Variants in FER1L5 observed in about 807,000 individuals in gnomAD.
The protein encoded by FER1L5 is fer-1 like family member 5.
A neutral mutation model predicts 279.9 loss-of-function variants in FER1L5; 187 were observed. That is an observed-to-expected ratio of 0.67 (90% CI 0.59 to 0.75). The LOEUF (loss-of-function observed/expected upper bound fraction) is 0.75. Ranked by LOEUF, FER1L5 falls within the 30% of genes least tolerant of loss-of-function variation. The pLI is 0.00. For missense variants in FER1L5, 2,091 were observed against 2,594.4 expected, an observed-to-expected ratio of 0.81 and a Z score of 4.21; for synonymous variants, 921 against 989.7, an observed-to-expected ratio of 0.93 and a Z score of 1.30.
chr2:96,642,826 A>G lies in FER1L5; in HGVS notation c.-11A>G. On this transcript the variant is annotated 5_prime_UTR_variant, in exon 1 of 53. Coordinates refer to ENST00000624922, the MANE Select transcript of FER1L5 (RefSeq NM_001293083.2). ...TGCGTAGGGAAGGAGGGAAGAAAGT[A>G]GGTCTCCGAGATGCTGCGGCTTGTG... 7.7e-6 allele frequency: 12 copies of G among 1,550,220 alleles called. No individual in the cohort carries two copies. The highest frequency in any genetic ancestry group is 2.5e-5 in the East Asian group (1 of 40,758).
chr2:96,643,358 T>A (rs1311503146), intron 1 of FER1L5, among the ~76,000 whole-genome samples: 2 of 152,222 alleles, frequency 1.3e-5, no homozygotes, highest in Non-Finnish European at 2.9e-5. Context: ...TTTTATTTTT[T>A]ATTTTTTTTG....
rs2075465426 is a variant in FER1L5, at chr2:96,653,409, C to T, written c.634-231C>T. 17 of 536,086 alleles carry T rather than the reference C, an allele frequency of 3.2e-5. No homozygotes were observed. In the South Asian group the frequency reaches 3.9e-4, roughly 12 times the overall value. 33.2% of individuals were successfully genotyped at this position (536,086 alleles called of 1,614,324 possible). A position where few individuals can be genotyped will look rare whatever the true frequency, so the allele number is the denominator to read the frequency against. ...ATGAAAATCTGAAACCCAGAATGCT[C>T]CAGTGAGCATTTCCTTTGAGGGTCA... On this transcript the variant is annotated intron_variant, in intron 7 of 52. Coordinates refer to ENST00000624922, the MANE Select transcript of FER1L5 (RefSeq NM_001293083.2).
In FER1L5 at chr2:96,691,990, G is replaced by C. The variant is rs2077166164; in HGVS notation, c.3214+27G>C. On this transcript the variant is annotated intron_variant, in intron 30 of 52. Transcript: ENST00000624922. This position sits in a 1 kb window ranked among gnomAD's most constrained non-coding sequence, Gnocchi z 6.0. Reference sequence around the variant, plus strand: ...TAAGCACTGACTTGGGAGTCTACTTGAATGGCCCCAGAGGCCAGTACCCGA... The same window carrying C: ...TAAGCACTGACTTGGGAGTCTACTTCAATGGCCCCAGAGGCCAGTACCCGA... 1.7e-6 allele frequency: 2 copies of C among 1,187,882 alleles called. No homozygotes were observed. The highest frequency in any genetic ancestry group is 1.7e-5 in the African/African-American group (1 of 58,054). The allele number at this position is 1,187,882 out of a possible 1,614,324, so 73.6% of individuals were successfully genotyped here.
At chr2:96,668,608 G>A (rs1472252120) in intron 14 of FER1L5, 143 bp from the exon 15 acceptor site, 2 of 952,000 alleles carry the variant, frequency 2.1e-6, no homozygotes, top group Non-Finnish European at 3.2e-6. Flanking sequence ...TCAAAATCCA[G>A]CTTTTCTATG....
Position 96,685,939 on chromosome 2 carries a change from G to A in FER1L5, c.1896-1G>A, listed in dbSNP as rs1401679856. On this transcript the variant is annotated splice_acceptor_variant, in intron 21 of 52. Coordinates refer to ENST00000624922, the MANE Select transcript of FER1L5 (RefSeq NM_001293083.2). LOFTEE classifies it high-confidence loss of function. ...CCCCTGCTACCCTGTCCTGGCCACA[G>A]GCGCCCTCTGCCCTGCATGACCTAT... is the stretch of plus-strand genomic sequence containing the variant. 6.5e-7 allele frequency: 1 copy of A among 1,532,404 alleles called. No homozygotes were observed. Among genetic ancestry groups the A allele is most frequent in the Non-Finnish European group, 8.8e-7 (1 of 1,137,942 alleles). The allele number at this position is 1,532,404 out of a possible 1,614,324, so 94.9% of individuals were successfully genotyped here.
intron 9 of FER1L5, among the ~76,000 whole-genome samples, chr2:96,658,933 GTTTTGTTTTTGT>G (rs527764212): frequency 5.9e-5 from 9 of 151,946 alleles, no homozygotes; most frequent in Middle Eastern, 6.8e-3. Context: ...TTCATTTTCT[GTTTTGTTTTTGT>G]TTTTGTTTTT....
rs2077041297 is a variant in FER1L5, at chr2:96,689,031, G to A, written c.2362-182G>A. The A allele has an allele frequency of 9.4e-6, 6 of 635,796 alleles. No homozygotes were observed. In the East Asian group the frequency reaches 1.8e-4, roughly 19 times the overall value. The allele number at this position is 635,796 out of a possible 1,614,324, so 39.4% of individuals were successfully genotyped here. A position where few individuals can be genotyped will look rare whatever the true frequency, so the allele number is the denominator to read the frequency against. ...CACTCTGCCAGCTGAATGATCCAGG[G>A]CAGGGTTGACCTCTGGGCCTCAGTG... On this transcript the variant is annotated intron_variant, in intron 24 of 52. Coordinates refer to ENST00000624922, the MANE Select transcript of FER1L5 (RefSeq NM_001293083.2). This position sits in a 1 kb window ranked among gnomAD's most constrained non-coding sequence, Gnocchi z 4.6.
At chr2:96,687,723 G>GGGAA (rs1558903816) in intron 23 of FER1L5, 93 bp from the exon 24 acceptor site, 6 of 1,509,508 alleles carry the variant, frequency 4.0e-6, no homozygotes, top group East Asian at 5.0e-5. Context: ...AGGGCTCAGG[G>GGGAA]GGGAAGGGGC....
At chr2:96,665,934 C>G (rs1209402495) in intron 14 of FER1L5, among the ~76,000 whole-genome samples, 4 of 152,098 alleles carry the variant, frequency 2.6e-5, no homozygotes, top group African/African-American at 9.7e-5. Context: ...GCCAGGCCCT[C>G]CCTCATCCCT....
In FER1L5 at chr2:96,691,991, A is replaced by T; in HGVS notation, c.3214+28A>T. The T allele has an allele frequency of 9.6e-7, 1 of 1,042,598 alleles. No individual in the cohort carries two copies. The highest frequency in any genetic ancestry group is 1.3e-6 in the Non-Finnish European group (1 of 754,110). 64.6% of individuals were successfully genotyped at this position (1,042,598 alleles called of 1,614,324 possible). A position where few individuals can be genotyped will look rare whatever the true frequency, so the allele number is the denominator to read the frequency against. On this transcript the variant is annotated intron_variant, in intron 30 of 52. Transcript: ENST00000624922. This position sits in a 1 kb window ranked among gnomAD's most constrained non-coding sequence, Gnocchi z 6.0. ...AAGCACTGACTTGGGAGTCTACTTG[A>T]ATGGCCCCAGAGGCCAGTACCCGAG...
Position 96,702,856 on chromosome 2 carries a change from T to C in FER1L5, c.5397+115T>C, listed in dbSNP as rs1237447056. 5 of 1,529,662 alleles carry C rather than the reference T, an allele frequency of 3.3e-6. No individual in the cohort carries two copies. The South Asian group carries it at 6.1e-5, about 19-fold the overall frequency. The allele number at this position is 1,529,662 out of a possible 1,614,324, so 94.8% of individuals were successfully genotyped here. A position where few individuals can be genotyped will look rare whatever the true frequency, so the allele number is the denominator to read the frequency against. The stretch of plus-strand genomic sequence containing the variant: ...AATCTGTCCCAGAACATCAGAAACA[T>C]GTCCTCAGGTGGAAACCCTCTTCCT... On this transcript the variant is annotated intron_variant, in intron 48 of 52. Transcript: ENST00000624922. The surrounding 1 kb of genome is among the most constrained non-coding windows in gnomAD (Gnocchi z 4.0).
intron 19 of FER1L5, among the ~76,000 whole-genome samples, chr2:96,679,412 C>T (rs770205455): frequency 2.0e-5 from 3 of 151,922 alleles, no homozygotes; most frequent in East Asian, 1.9e-4. Context: ...TTAGTAGAGA[C>T]GGGGTTTCAC....
chr2:96,691,863 C>T lies in FER1L5; in HGVS notation c.3114C>T (p.Asp1038=), dbSNP rs912789355. ...AATACCACGCTGGGAAGGAAGAGGA[C>T]AGCAAGACATGGCCATGGGGTCTGG... ...DLKYHAGKEE[D]SKTWPWGLDR... Residue 1038 remains aspartate (D), a synonymous_variant, in exon 30 of 53, where the codon GAC becomes GAT. Transcript: ENST00000624922. This position sits in a 1 kb window ranked among gnomAD's most constrained non-coding sequence, Gnocchi z 6.0. The T allele has an allele frequency of 4.5e-6, 7 of 1,551,466 alleles. No homozygotes were observed. In the Admixed American group the frequency reaches 9.8e-5, roughly 22 times the overall value.
At chr2:96,649,256 G>A (rs1238061423) in intron 4 of FER1L5, among the ~76,000 whole-genome samples, 3 of 152,030 alleles carry the variant, frequency 2.0e-5, no homozygotes, top group South Asian at 4.1e-4. Context: ...AGTGTGCAGG[G>A]CCTCCCACAT....
chr2:96,701,218 G>A (rs923338509), intron 45 of FER1L5, among the ~76,000 whole-genome samples: 6 of 152,262 alleles, frequency 3.9e-5, no homozygotes, highest in East Asian at 1.9e-4. Context: ...GCTTAGGCAC[G>A]AGAATCGCTT....
At chr2:96,667,732 C>T (rs1352653681) in intron 14 of FER1L5, among the ~76,000 whole-genome samples, 1 of 152,208 alleles carries the variant, frequency 6.6e-6, no homozygotes, top group Non-Finnish European at 1.5e-5. Context: ...GGCCCACGGC[C>T]TCTCCATGAG....
Position 96,702,788 on chromosome 2 carries a change from C to T in FER1L5, c.5397+47C>T, listed in dbSNP as rs1460404267. ...GGGCAACAGGCCACAACAAACAGACCCAGGCTCCTGGAGCTCCTCCCCCCA... is the reference window on the plus strand; with the variant it reads ...GGGCAACAGGCCACAACAAACAGACTCAGGCTCCTGGAGCTCCTCCCCCCA... On this transcript the variant is annotated intron_variant, in intron 48 of 52. Coordinates refer to ENST00000624922, the MANE Select transcript of FER1L5 (RefSeq NM_001293083.2). The surrounding 1 kb of genome is among the most constrained non-coding windows in gnomAD (Gnocchi z 4.0). 6.2e-7 allele frequency: 1 copy of T among 1,603,810 alleles called. No homozygotes were observed. The highest frequency in any genetic ancestry group is 8.5e-7 in the Non-Finnish European group (1 of 1,175,612).
In FER1L5 at chr2:96,691,282, T is replaced by C. The variant is rs1239459959; in HGVS notation, c.2836T>C (p.Trp946Arg). ...KTYHSCRRRR[W>R]ARVRFRNHGE... ...CTACCACTCGTGCCGCCGCCGGCGC[T>C]GGGCGCGTGTGCGCTTCAGGAACCA... is the stretch of plus-strand genomic sequence containing the variant. Residue 946 changes from tryptophan to arginine, a missense_variant, in exon 28 of 53, where the codon TGG becomes CGG. By Grantham distance (101) the Trp-to-Arg change is moderately radical (BLOSUM62 -3). Coordinates refer to ENST00000624922, the MANE Select transcript of FER1L5 (RefSeq NM_001293083.2). This position sits in a 1 kb window ranked among gnomAD's most constrained non-coding sequence, Gnocchi z 6.0. 3.9e-6 allele frequency: 6 copies of C among 1,550,566 alleles called. No homozygotes were observed. The highest frequency in any genetic ancestry group is 4.4e-6 in the Non-Finnish European group (5 of 1,146,858).
At chr2:96,644,642 A>G (rs1050228121) in intron 1 of FER1L5, among the ~76,000 whole-genome samples, 8 of 152,162 alleles carry the variant, frequency 5.3e-5, no homozygotes, top group African/African-American at 1.9e-4. Context: ...AAAAGAGGAC[A>G]CAGTAGTTCC....
Sources: gnomAD v4.1 joint callset for allele counts (sites outside exome capture counted in the v4.1 genomes callset) on GRCh38, gnomAD v4.1.1 for gene constraint, Gnocchi (gnomAD v3.1) non-coding constraint, MANE v1.5 for transcripts, NCBI Gene and HGNC (gene_info 2026-07-23, HGNC 2026-07-21) for gene names.